PTPRB: variants seen among roughly 807,000 people sequenced by gnomAD.
PTPRB encodes the protein protein tyrosine phosphatase receptor type B.
In PTPRB, 97 loss-of-function variants were observed where a neutral mutation model predicts 238.1. That is an observed-to-expected ratio of 0.41 (90% confidence interval 0.35 to 0.48). PTPRB has a LOEUF of 0.48. Among genes scored for constraint, PTPRB ranks in the 20% least tolerant of loss-of-function variants. The pLI is 0.30. For missense variants in PTPRB, 2,292 were observed against 2,681.9 expected, an observed-to-expected ratio of 0.85 and a Z score of 3.21; for synonymous variants, 970 against 995.4, an observed-to-expected ratio of 0.97 and a Z score of 0.48.
chr12:70,576,632 C>A lies in PTPRB; in HGVS notation c.2592G>T (p.Val864=), dbSNP rs1350456758. Reference sequence around the variant, plus strand: ...CGGAATTGTTCACCGTTACTCCACTCACACTGGAAGGGACTGTGATTTTGA... The same window carrying A: ...CGGAATTGTTCACCGTTACTCCACTAACACTGGAAGGGACTGTGATTTTGA... ...VVEGRTVPSS[V]SGVTVNNSGR... Residue 864 remains valine (V), a synonymous_variant, in exon 11 of 34, where the codon GTG becomes GTT. Transcript: ENST00000334414. 6.9e-7 allele frequency: 1 copy of A among 1,456,896 alleles called. No individual in the cohort carries two copies. Among genetic ancestry groups the A allele is most frequent in the South Asian group, 1.2e-5 (1 of 81,022 alleles). 90.2% of individuals were successfully genotyped at this position (1,456,896 alleles called of 1,614,324 possible). A position where few individuals can be genotyped will look rare whatever the true frequency, so the allele number is the denominator to read the frequency against.
chr12:70,528,991 C>T (rs1872792019), intron 32 of PTPRB, among the ~76,000 whole-genome samples: 1 of 151,786 alleles, frequency 6.6e-6, no homozygotes, highest in Non-Finnish European at 1.5e-5. Flanking sequence ...GGTAGGCGGG[C>T]ATTTACATGT....
intron 2 of PTPRB, among the ~76,000 whole-genome samples, chr12:70,624,138 A>T (rs1387832500): frequency 1.3e-5 from 2 of 152,174 alleles, no homozygotes; most frequent in Non-Finnish European, 2.9e-5. Context: ...TATCCAGTCA[A>T]ATAATTTTAG....
At chr12:70,623,903 C>T (rs1379465373) in intron 2 of PTPRB, among the ~76,000 whole-genome samples, 1 of 152,074 alleles carries the variant, frequency 6.6e-6, no homozygotes, top group Non-Finnish European at 1.5e-5. Flanking sequence ...CTGATTAGTG[C>T]ATTTCGTATG....
intron 4 of PTPRB, among the ~76,000 whole-genome samples, chr12:70,597,865 C>T (rs889905623): frequency 4.6e-5 from 7 of 152,098 alleles, no homozygotes; most frequent in African/African-American, 1.7e-4. Flanking sequence ...GTATGGCTGA[C>T]CAATAGACAC....
rs535569978 is a variant in PTPRB at position 70,588,971 on chromosome 12, T to TAATA, written c.2050+989_2050+992dup. ...AAGACTCTGTCTCAAAATGTAAAAATAATAAATAAATAAATAAAAGTTCTC... is the reference window on the plus strand; with the variant it reads ...AAGACTCTGTCTCAAAATGTAAAAATAATAAATAAATAAATAAATAAAAGTTCTC... On this transcript the variant is annotated intron_variant, in intron 8 of 33. Coordinates refer to ENST00000334414, the MANE Select transcript of PTPRB (RefSeq NM_001109754.4). Among the ~76,000 whole-genome samples, 46 of 152,104 alleles carry TAATA rather than the reference T, an allele frequency of 3.0e-4. No individual in the cohort carries two copies. The South Asian group carries it at 3.1e-3, about 10-fold the overall frequency.
rs146083381 is a variant in PTPRB, at chr12:70,548,543, G to A, written c.5388-3880C>T. On this transcript the variant is annotated intron_variant, in intron 21 of 33. Coordinates refer to ENST00000334414, the MANE Select transcript of PTPRB (RefSeq NM_001109754.4). The stretch of plus-strand genomic sequence containing the variant: ...TAAAAGCATTGGCTATAACAACCTT[G>A]ACATGGTCTGCTCTGAAACCACAAG... Among the ~76,000 whole-genome samples, 257 of 152,204 alleles carry A rather than the reference G, an allele frequency of 1.7e-3. 3 individuals carry two copies. Among genetic ancestry groups the A allele is most frequent in the African/African-American group, 6.0e-3 (250 of 41,538 alleles).
chr12:70,562,566 A>G (rs1878632416), intron 16 of PTPRB, among the ~76,000 whole-genome samples: 1 of 152,156 alleles, frequency 6.6e-6, no homozygotes, highest in African/African-American at 2.4e-5. Flanking sequence ...GCCCTCTTGT[A>G]CAGTTTGATG....
In PTPRB at chr12:70,560,899, G is replaced by C. The variant is rs367593089; in HGVS notation, c.4204C>G (p.Arg1402Gly). ...ASVSHLRGSN[R>G]NTTDSLWFNW... Reference sequence around the variant, plus strand: ...AACCAAAGGCTGTCTGTCGTGTTCCGATTGGACCCCCTGAGATGACTCACA... The same window carrying C: ...AACCAAAGGCTGTCTGTCGTGTTCCCATTGGACCCCCTGAGATGACTCACA... Residue 1402 changes from arginine (R) to glycine (G), a missense_variant, in exon 17 of 34, where the codon CGG becomes GGG. Transcript: ENST00000334414. The surrounding 1 kb of genome is among the most constrained non-coding windows in gnomAD (Gnocchi z 4.2). 66 of 1,613,332 alleles carry C rather than the reference G, an allele frequency of 4.1e-5. No individual in the cohort carries two copies. In the African/African-American group the frequency reaches 7.7e-4, roughly 19 times the overall value.
chr12:70,603,897 C>T (rs1883727724), intron 4 of PTPRB, among the ~76,000 whole-genome samples: 2 of 152,170 alleles, frequency 1.3e-5, no homozygotes, highest in African/African-American at 4.8e-5. Flanking sequence ...ACAATACCCC[C>T]TCCACAGGGT....
chr12:70,559,091 A>G, intron 18 of PTPRB: 1 of 590,976 alleles, frequency 1.7e-6, no homozygotes, highest in South Asian at 2.2e-5. Context: ...CATCACACCC[A>G]AAATATAATG....
intron 20 of PTPRB, among the ~76,000 whole-genome samples, chr12:70,554,875 T>A (rs982741532): frequency 6.6e-6 from 1 of 152,182 alleles, no homozygotes; most frequent in Non-Finnish European, 1.5e-5. Context: ...CAGCACGTAG[T>A]AAGGGCTCAA....
intron 6 of PTPRB, among the ~76,000 whole-genome samples, chr12:70,594,105 T>C (rs974357548): frequency 3.3e-5 from 5 of 152,164 alleles, no homozygotes; most frequent in South Asian, 2.1e-4. Context: ...AGGGTATGTA[T>C]AGCATGGAGA....
At chr12:70,631,181 C>T (rs1357777373) in intron 2 of PTPRB, among the ~76,000 whole-genome samples, 1 of 152,180 alleles carries the variant, frequency 6.6e-6, no homozygotes, top group Non-Finnish European at 1.5e-5. Context: ...TCAAACCATA[C>T]TACAAGGCTA....
At chr12:70,580,606 G>T (rs1307349868) in intron 10 of PTPRB, among the ~76,000 whole-genome samples, 1 of 151,992 alleles carries the variant, frequency 6.6e-6, no homozygotes, top group East Asian at 1.9e-4. Context: ...GATCACCTGA[G>T]GTCAGGAGTT....
chr12:70,568,259 T>C, intron 14 of PTPRB, among the ~76,000 whole-genome samples: 1 of 152,194 alleles, frequency 6.6e-6, no homozygotes, highest in South Asian at 2.1e-4. Flanking sequence ...CACTAGATTA[T>C]AAGGTTCTTG....
chr12:70,547,716 A>T (rs1876227082), intron 21 of PTPRB, among the ~76,000 whole-genome samples: 1 of 151,906 alleles, frequency 6.6e-6, no homozygotes. Context: ...CATGTTGCCC[A>T]GGCTAGTCTT....
intron 4 of PTPRB, among the ~76,000 whole-genome samples, chr12:70,607,595 G>A (rs1431083787): frequency 6.9e-6 from 1 of 145,760 alleles, no homozygotes; most frequent in Non-Finnish European, 1.5e-5. Context: ...TGCCCAGGCT[G>A]GAGTGCAGTG....
At chr12:70,565,447 A>G (rs149204032) in intron 15 of PTPRB, among the ~76,000 whole-genome samples, 1 of 152,310 alleles carries the variant, frequency 6.6e-6, no homozygotes, top group South Asian at 2.1e-4. Context: ...CCTTCTCTCC[A>G]TAAGGAGAAT....
rs189009429 is a variant in PTPRB, at chr12:70,518,543, A to T, written c.*2946T>A. The T allele has an allele frequency of 3.9e-5, 6 of 152,342 alleles. No homozygotes were observed. The highest frequency in any genetic ancestry group is 7.3e-5 in the Non-Finnish European group (5 of 68,038). 9.4% of individuals were successfully genotyped at this position (152,342 alleles called of 1,614,324 possible). On this transcript the variant is annotated 3_prime_UTR_variant, in exon 34 of 34. Coordinates refer to ENST00000334414, the MANE Select transcript of PTPRB (RefSeq NM_001109754.4). ...GAACAGTAGATAAAAATCACATTCA[A>T]CTGGGAAAACAAACATATTCAAGTA...
Sources: gnomAD v4.1 joint callset for allele counts (sites outside exome capture counted in the v4.1 genomes callset) on GRCh38, gnomAD v4.1.1 for gene constraint, Gnocchi (gnomAD v3.1) non-coding constraint, MANE v1.5 for transcripts, NCBI Gene and HGNC (gene_info 2026-07-23, HGNC 2026-07-21) for gene names.